Variants in CGNL1 observed in about 807,000 individuals in gnomAD.
CGNL1 encodes the protein cingulin like 1.
CGNL1 carries 132 observed loss-of-function variants against 141.2 expected under a neutral mutation model. That is an observed-to-expected ratio of 0.93 (90% CI 0.81 to 1.08). CGNL1 has a LOEUF of 1.08. Ranked by LOEUF, CGNL1 falls within the 50% of genes least tolerant of loss-of-function variation. The pLI, the probability that CGNL1 is intolerant of heterozygous loss-of-function variation, is 0.00. For missense variants in CGNL1, 1,870 were observed against 1,588.6 expected, an observed-to-expected ratio of 1.18 and a Z score of -3.01; for synonymous variants, 690 against 622.1, an observed-to-expected ratio of 1.11 and a Z score of -1.63.
At chr15:57,411,392 CT>C (rs2062785137) in intron 1 of CGNL1, among the ~76,000 whole-genome samples, 1 of 151,834 alleles carries the variant, frequency 6.6e-6, no homozygotes, top group Non-Finnish European at 1.5e-5. Context: ...TTTAGCTGTT[CT>C]GATATTTGTG....
At chr15:57,435,294 ATG>A (rs2063092366) in intron 1 of CGNL1, among the ~76,000 whole-genome samples, 3 of 152,046 alleles carry the variant, frequency 2.0e-5, no homozygotes, top group Admixed American at 2.0e-4. Context: ...AGAGACTTGT[ATG>A]TATGGTGTGG....
At chr15:57,487,366 CA>C (rs35929754) in intron 8 of CGNL1, among the ~76,000 whole-genome samples, 1 of 151,506 alleles carries the variant, frequency 6.6e-6, no homozygotes, top group Non-Finnish European at 1.5e-5. Flanking sequence ...TATACAGAGT[CA>C]AAAAAAGGTA....
chr15:57,431,397 C>T (rs1371112393), intron 1 of CGNL1, among the ~76,000 whole-genome samples: 2 of 152,194 alleles, frequency 1.3e-5, no homozygotes, highest in Non-Finnish European at 2.9e-5. Flanking sequence ...CTACAAAACA[C>T]GTAGAGAGAA....
intron 8 of CGNL1, among the ~76,000 whole-genome samples, chr15:57,466,625 T>A (rs1473698623): frequency 2.0e-5 from 3 of 152,144 alleles, no homozygotes; most frequent in African/African-American, 7.2e-5. Flanking sequence ...GGTAACACCA[T>A]TGTGCTTGGT....
At chr15:57,433,909 G>C (rs1398724705) in intron 1 of CGNL1, among the ~76,000 whole-genome samples, 2 of 137,244 alleles carry the variant, frequency 1.5e-5, no homozygotes, top group Non-Finnish European at 3.2e-5. Context: ...TGAAATGTAT[G>C]GGTTCTTCAG....
At chr15:57,435,828 T>C (rs2063099636) in intron 1 of CGNL1, among the ~76,000 whole-genome samples, 1 of 152,166 alleles carries the variant, frequency 6.6e-6, no homozygotes, top group East Asian at 1.9e-4. Flanking sequence ...AGATTTTGAA[T>C]GTTATCCCTT....
chr15:57,543,926 T>C (rs2032708889), intron 15 of CGNL1, 147 bp downstream of exon 15: 1 of 599,812 alleles, frequency 1.7e-6, no homozygotes, highest in African/African-American at 1.9e-5. Flanking sequence ...TCCAGAGTTG[T>C]TTTTCCCGGT....
intron 8 of CGNL1, among the ~76,000 whole-genome samples, chr15:57,473,932 C>T (rs1189824959): frequency 3.7e-5 from 4 of 108,042 alleles, no homozygotes; most frequent in African/African-American, 1.4e-4. Context: ...TTTTCTGAGA[C>T]AGAGTCTCAC....
At chr15:57,449,524 G>A (rs994729162) in intron 4 of CGNL1, among the ~76,000 whole-genome samples, 3 of 151,902 alleles carry the variant, frequency 2.0e-5, no homozygotes, top group Admixed American at 1.3e-4. Flanking sequence ...AGCATGGAGC[G>A]CACCTCTCAC....
Position 57,438,787 on chromosome 15 carries a change from A to G in CGNL1, c.788A>G (p.His263Arg). 6.2e-7 allele frequency: 1 copy of G among 1,614,104 alleles called. No individual in the cohort carries two copies. The change falls in exon 2 of 19, where the codon CAT becomes CGT. Residue 263 changes from histidine to arginine, a missense_variant. By Grantham distance (29) the His-to-Arg change is conservative. Coordinates refer to ENST00000281282, the MANE Select transcript of CGNL1 (RefSeq NM_032866.5). ...SGRPLTAHSP[H>R]AHPETKKTRP... Reference sequence around the variant, plus strand: ...AGGCCCCTGACTGCCCACAGCCCACATGCCCACCCTGAAACCAAGAAAACC... The same window carrying G: ...AGGCCCCTGACTGCCCACAGCCCACGTGCCCACCCTGAAACCAAGAAAACC...
In CGNL1 at chr15:57,546,109, G is replaced by A. The variant is rs754641952; in HGVS notation, c.3643G>A (p.Val1215Met). 1.5e-5 allele frequency: 25 copies of A among 1,613,838 alleles called. No homozygotes were observed. The South Asian group carries it at 2.6e-4, about 17-fold the overall frequency. The change falls in exon 18 of 19, where the codon GTG (valine) becomes ATG (methionine). Residue 1215 changes from valine to methionine, a missense_variant. Physicochemically the swap from Val to Met is conservative, Grantham distance 21. Transcript: ENST00000281282. ...GCGTTTGAAAGCCATGAAGCGGCAG[G>A]TGGAGGAGGCTGAGGAGGAAATCGA... ...SLRLKAMKRQVEEAEEEIDRL... is the reference protein window; with the variant it reads ...SLRLKAMKRQMEEAEEEIDRL...
At chr15:57,459,197 A>G (rs2063416635) in intron 7 of CGNL1, among the ~76,000 whole-genome samples, 1 of 152,196 alleles carries the variant, frequency 6.6e-6, no homozygotes, top group Non-Finnish European at 1.5e-5. Context: ...CAAGTGAAAT[A>G]ACTGATGAGT....
At chr15:57,458,055 G>A (rs1235967053) in intron 7 of CGNL1, among the ~76,000 whole-genome samples, 3 of 152,112 alleles carry the variant, frequency 2.0e-5, no homozygotes, top group Non-Finnish European at 2.9e-5. Context: ...TCAGAGCTTC[G>A]TTCGTTTATG....
chr15:57,516,788 G>C lies in CGNL1; in HGVS notation c.2412G>C (p.Glu804Asp), dbSNP rs748081280. 2 of 1,614,084 alleles carry C rather than the reference G, an allele frequency of 1.2e-6. No individual in the cohort carries two copies. Among genetic ancestry groups the C allele is most frequent in the Admixed American group, 1.7e-5 (1 of 60,022 alleles). The change falls in exon 9 of 19, where the codon GAG (glutamate) becomes GAC (aspartate). Residue 804 changes from glutamate to aspartate, a missense_variant. Transcript: ENST00000281282. ...CTTTGTGTTTTTAACAGAATGTCGA[G>C]GTCTTGGCGAGCAGGAGCAACACTT... ...ESVEEATKNV[E>D]VLASRSNTSE...
intron 13 of CGNL1, among the ~76,000 whole-genome samples, chr15:57,529,599 C>G (rs2031839093): frequency 6.6e-6 from 1 of 150,490 alleles, no homozygotes; most frequent in Non-Finnish European, 1.5e-5. Context: ...CACACACACA[C>G]ACACACACAC....
intron 14 of CGNL1, among the ~76,000 whole-genome samples, chr15:57,539,419 C>T (rs971018560): frequency 3.9e-5 from 6 of 152,124 alleles, no homozygotes; most frequent in East Asian, 3.9e-4. Flanking sequence ...ACTCCCTTCT[C>T]GATGTCCACT....
At chr15:57,445,015 A>G (rs562188575) in intron 4 of CGNL1, among the ~76,000 whole-genome samples, 11 of 152,292 alleles carry the variant, frequency 7.2e-5, no homozygotes, top group African/African-American at 2.6e-4. Flanking sequence ...TAACCCCGGC[A>G]CTTTGGGAGG....
intron 8 of CGNL1, among the ~76,000 whole-genome samples, chr15:57,472,539 G>C (rs963275419): frequency 6.6e-6 from 1 of 152,146 alleles, no homozygotes; most frequent in Non-Finnish European, 1.5e-5. Flanking sequence ...TGAGGTGGGA[G>C]GCCCTGGGAT....
At chr15:57,396,648 G>C (rs767302706) in intron 1 of CGNL1, among the ~76,000 whole-genome samples, 3 of 152,042 alleles carry the variant, frequency 2.0e-5, no homozygotes, top group Non-Finnish European at 4.4e-5. Flanking sequence ...AGCACTGCTG[G>C]GTCTTAATAG....
Sources: allele counts gnomAD v4.1 joint callset (sites outside exome capture counted in the v4.1 genomes callset), GRCh38; gene constraint gnomAD v4.1.1; transcripts MANE v1.5; gene names NCBI Gene and HGNC (gene_info 2026-07-23, HGNC 2026-07-21).